MAD1L1: variants seen among roughly 807,000 people sequenced by gnomAD.
The protein encoded by MAD1L1 is mitotic arrest deficient 1 like 1.
Under a neutral mutation model 96.9 loss-of-function variants are expected in MAD1L1, and 95 were observed. That is an observed-to-expected ratio of 0.98 (90% CI 0.83 to 1.16). The LOEUF (loss-of-function observed/expected upper bound fraction) is 1.16. Ranked by LOEUF, MAD1L1 falls within the 50% of genes most tolerant of loss-of-function variation. The pLI is 0.00. For missense variants in MAD1L1, 1,007 were observed against 954.4 expected, an observed-to-expected ratio of 1.06 and a Z score of -0.73; for synonymous variants, 473 against 396.6, an observed-to-expected ratio of 1.19 and a Z score of -2.29.
At chr7:2,225,716 G>A (rs1421001260) in intron 3 of MAD1L1, 166 bp from the exon 4 acceptor site, 13 of 702,336 alleles carry the variant, frequency 1.9e-5, no homozygotes, top group Non-Finnish European at 3.0e-5. Context: ...AACAGGGGAG[G>A]GGCAGGAAAC....
intron 11 of MAD1L1, 32 bp downstream of exon 11, chr7:2,149,120 T>A: frequency 6.2e-7 from 1 of 1,606,734 alleles, no homozygotes; most frequent in Non-Finnish European, 8.5e-7. Context: ...AGCAAACGCA[T>A]CCCCACAAGC....
At chr7:1,819,008 C>T (rs2128619246) in intron 18 of MAD1L1, among the ~76,000 whole-genome samples, 1 of 152,178 alleles carries the variant, frequency 6.6e-6, no homozygotes. Flanking sequence ...GACTCCGTTT[C>T]CCCCAGCGTA....
chr7:1,893,461 G>A (rs1786674602), intron 18 of MAD1L1, among the ~76,000 whole-genome samples: 1 of 152,220 alleles, frequency 6.6e-6, no homozygotes, highest in African/African-American at 2.4e-5. Flanking sequence ...TAAAATAAAT[G>A]ACATGGCCAG....
chr7:2,001,996 GA>G, intron 14 of MAD1L1, 68 bp downstream of exon 14: 1 of 1,535,704 alleles, frequency 6.5e-7, no homozygotes, highest in Non-Finnish European at 9.0e-7. Flanking sequence ...GGCTTATGGG[GA>G]CAGGCGTCCC....
chr7:1,947,034 C>G (rs769105291), intron 16 of MAD1L1, among the ~76,000 whole-genome samples: 1 of 152,220 alleles, frequency 6.6e-6, no homozygotes, highest in Admixed American at 6.5e-5. Flanking sequence ...GGTCTCCGTC[C>G]TCTCTGGGCC....
intron 10 of MAD1L1, among the ~76,000 whole-genome samples, chr7:2,182,392 G>A (rs1297998467): frequency 6.6e-6 from 1 of 152,112 alleles, no homozygotes. Context: ...TACTGCTGGT[G>A]GGAATGTAAA....
At chr7:1,881,825 G>C (rs758860112) in intron 18 of MAD1L1, among the ~76,000 whole-genome samples, 1 of 152,178 alleles carries the variant, frequency 6.6e-6, no homozygotes, top group Admixed American at 6.5e-5. Flanking sequence ...TCCAGGTGAC[G>C]GGTGATGAGC....
chr7:1,954,581 C>A (rs546225324), intron 16 of MAD1L1, among the ~76,000 whole-genome samples: 1 of 152,282 alleles, frequency 6.6e-6, no homozygotes, highest in Non-Finnish European at 1.5e-5. Flanking sequence ...CTGACTCCTG[C>A]GGCTGCACCA....
chr7:2,050,930 G>C (rs1385325573), intron 12 of MAD1L1, among the ~76,000 whole-genome samples: 3 of 152,224 alleles, frequency 2.0e-5, no homozygotes, highest in East Asian at 1.9e-4. Context: ...GACTCAAGAG[G>C]CTTCCTTGGC....
At chr7:2,076,107 C>G (rs1391531476) in intron 11 of MAD1L1, among the ~76,000 whole-genome samples, 1 of 152,208 alleles carries the variant, frequency 6.6e-6, no homozygotes, top group African/African-American at 2.4e-5. Flanking sequence ...TGTTCCCGCC[C>G]CAGTCACAAG....
rs113783212 is a variant in MAD1L1 at position 2,215,193 on chromosome 7, C to T, written c.924+692G>A. On this transcript the variant is annotated intron_variant, in intron 9 of 18. Transcript: ENST00000265854. Reference sequence around the variant, plus strand: ...AAGAGATCAAGACCATCCTAGCCAACGTGGTGAAACCCTATCTCTACTAAA... The same window carrying T: ...AAGAGATCAAGACCATCCTAGCCAATGTGGTGAAACCCTATCTCTACTAAA... 5.5e-3 allele frequency among the ~76,000 whole-genome samples: 837 copies of T among 152,210 alleles called. 1 individual carries two copies. The highest frequency in any genetic ancestry group is 9.7e-3 in the Non-Finnish European group (663 of 68,000).
intron 10 of MAD1L1, among the ~76,000 whole-genome samples, chr7:2,204,356 T>C (rs542915317): frequency 2.0e-5 from 3 of 152,284 alleles, no homozygotes; most frequent in African/African-American, 7.2e-5. Context: ...TCTGCGCACG[T>C]GAACAGTTTG....
chr7:2,105,199 G>C (rs1421207311), intron 11 of MAD1L1, among the ~76,000 whole-genome samples: 1 of 152,124 alleles, frequency 6.6e-6, no homozygotes, highest in East Asian at 1.9e-4. Context: ...CCAGTGAGCA[G>C]AAAGGGAAGG....
chr7:1,878,975 T>C (rs1305483414), intron 18 of MAD1L1, among the ~76,000 whole-genome samples: 4 of 152,200 alleles, frequency 2.6e-5, no homozygotes, highest in East Asian at 1.9e-4. Flanking sequence ...TATTTCTATA[T>C]ATTAGGAATG....
intron 10 of MAD1L1, among the ~76,000 whole-genome samples, chr7:2,184,348 G>A (rs767875071): frequency 3.9e-5 from 6 of 151,956 alleles, no homozygotes; most frequent in South Asian, 2.1e-4. Context: ...GCCAAAAGTC[G>A]GTAACGCCAC....
chr7:1,859,564 T>G (rs1354923548), intron 18 of MAD1L1, among the ~76,000 whole-genome samples: 1 of 152,186 alleles, frequency 6.6e-6, no homozygotes, highest in Admixed American at 6.5e-5. Context: ...TATGTTTTTC[T>G]CTGGGGACCT....
At chr7:1,831,548 T>C (rs1196219053) in intron 18 of MAD1L1, among the ~76,000 whole-genome samples, 2 of 152,170 alleles carry the variant, frequency 1.3e-5, no homozygotes, top group South Asian at 2.1e-4. Flanking sequence ...AAGCTAGAGA[T>C]AATTAGGTTT....
intron 11 of MAD1L1, among the ~76,000 whole-genome samples, chr7:2,074,808 C>CT (rs933302761): frequency 2.6e-5 from 4 of 152,182 alleles, no homozygotes; most frequent in African/African-American, 9.7e-5. Context: ...AAGCAGGTGC[C>CT]TCCTGACACT....
At chr7:1,920,594 C>G (rs1788725264) in intron 17 of MAD1L1, among the ~76,000 whole-genome samples, 1 of 152,186 alleles carries the variant, frequency 6.6e-6, no homozygotes, top group African/African-American at 2.4e-5. Context: ...TCAGTGGGTA[C>G]AGACGCACAG....
Sources: gnomAD v4.1 joint callset for allele counts (sites outside exome capture counted in the v4.1 genomes callset) on GRCh38, gnomAD v4.1.1 for gene constraint, MANE v1.5 for transcripts, NCBI Gene and HGNC (gene_info 2026-07-23, HGNC 2026-07-21) for gene names.